Variants in ADCY7 observed in about 807,000 individuals in gnomAD.
ADCY7 encodes the protein adenylate cyclase type 7.
ADCY7 carries 72 observed loss-of-function variants against 120.6 expected under a neutral mutation model. The ratio of observed to expected loss-of-function variants is 0.60; its 90% CI spans 0.49 to 0.73. The LOEUF (loss-of-function observed/expected upper bound fraction) is 0.73, where lower values mean the gene tolerates loss of function less well. ADCY7 is among the 30% of genes least tolerant of loss of function. The pLI, the probability that ADCY7 is intolerant of heterozygous loss-of-function variation, is 0.00. For synonymous variants in ADCY7, 661 were observed against 628.0 expected, an observed-to-expected ratio of 1.05 and a Z score of -0.78; for missense variants, 1,227 against 1,486.0, an observed-to-expected ratio of 0.83 and a Z score of 2.87.
intron 1 of ADCY7, among the ~76,000 whole-genome samples, chr16:50,268,387 G>A (rs1182541934): frequency 1.3e-5 from 2 of 151,992 alleles, no homozygotes; most frequent in African/African-American, 4.8e-5. Flanking sequence ...TTATAGGTGT[G>A]AGCCACCACC....
rs1425139948 is a variant in ADCY7, at chr16:50,251,727, T to C, written c.-64+5524T>C. Among the ~76,000 whole-genome samples the C allele has an allele frequency of 2.6e-5, 4 of 152,302 alleles. No individual in the cohort carries two copies. In the East Asian group the frequency reaches 7.7e-4, roughly 29 times the overall value. ...TCACCCAGAGCTCGGGCCTCCAGTG[T>C]GCCCCAGTCCCCACCTAGCCAGCCA... On this transcript the variant is annotated intron_variant, in intron 1 of 4. Transcript: ENST00000564044.
At chr16:50,249,165 C>T (rs982577829) in intron 1 of ADCY7, among the ~76,000 whole-genome samples, 4 of 152,188 alleles carry the variant, frequency 2.6e-5, no homozygotes, top group Admixed American at 6.5e-5. Flanking sequence ...TCTGGCCTGG[C>T]GCAGCGGCTC....
chr16:50,305,597 A>AGAC lies in ADCY7; in HGVS notation c.1679+12_1679+14dup. 1 of 1,590,646 alleles carries AGAC rather than the reference A, an allele frequency of 6.3e-7. No homozygotes were observed. Among genetic ancestry groups the AGAC allele is most frequent in the Non-Finnish European group, 8.6e-7 (1 of 1,166,448 alleles). Reference sequence around the variant, plus strand: ...GCTCAGCTCCACGAGGTGAGGTCTGAGACCTCTGTCCACCCCCCTCTCCTC... The same window carrying AGAC: ...GCTCAGCTCCACGAGGTGAGGTCTGAGACGACCTCTGTCCACCCCCCTCTCCTC... On this transcript the variant is annotated intron_variant, in intron 13 of 25. Coordinates refer to ENST00000673801, the MANE Select transcript of ADCY7 (RefSeq NM_001114.5).
rs562080736 is a variant in ADCY7, at chr16:50,311,804, C to A, written c.2448+18C>A. ...CCAGACAGGTAAGGAGGCTGGCCCCCCCCCCCCCCCCAAGCTCTGCCCACT... is the reference window on the plus strand; with the variant it reads ...CCAGACAGGTAAGGAGGCTGGCCCCACCCCCCCCCCCAAGCTCTGCCCACT... On this transcript the variant is annotated intron_variant, in intron 20 of 25. Transcript: ENST00000673801. 2.4e-4 allele frequency: 300 copies of A among 1,225,878 alleles called. No homozygotes were observed. The highest frequency in any genetic ancestry group is 5.7e-4 in the South Asian group (39 of 68,748). The allele number at this position is 1,225,878 out of a possible 1,614,324, so 75.9% of individuals were successfully genotyped here.
rs2035998683 is a variant in ADCY7 at position 50,305,505 on chromosome 16, G to C, written c.1598G>C (p.Ser533Thr). 1 of 1,612,916 alleles carries C rather than the reference G, an allele frequency of 6.2e-7. No homozygotes were observed. The highest frequency in any genetic ancestry group is 8.5e-7 in the Non-Finnish European group (1 of 1,179,520). Residue 533 changes from serine to threonine, a missense_variant and splice_region_variant, in exon 13 of 26, where the codon AGC (serine) becomes ACC (threonine). Coordinates refer to ENST00000673801, the MANE Select transcript of ADCY7 (RefSeq NM_001114.5). ...CAGTTGTGGGTATCTGATTCCAGAA[G>C]CATGTCCCCCAAGGGGCGGTCGGAG... ...PQRHRRTPDR[S>T]MSPKGRSEDD...
chr16:50,304,250 C>T (rs146444045), intron 10 of ADCY7, 110 bp from the exon 11 acceptor site: 24 of 1,094,420 alleles, frequency 2.2e-5, no homozygotes, highest in African/African-American at 3.3e-5. Flanking sequence ...TATTTTTTCA[C>T]GGGCTCAGGG....
At chr16:50,267,832 C>T (rs753182468) in intron 1 of ADCY7, among the ~76,000 whole-genome samples, 1 of 152,178 alleles carries the variant, frequency 6.6e-6, no homozygotes, top group Non-Finnish European at 1.5e-5. Flanking sequence ...GAGGAAGTGC[C>T]AAGTGCCAGC....
intron 1 of ADCY7, among the ~76,000 whole-genome samples, chr16:50,252,407 G>C (rs1434757533): frequency 6.6e-6 from 1 of 152,140 alleles, no homozygotes; most frequent in Admixed American, 6.5e-5. Context: ...CAATAGGCAT[G>C]ACCCAGGGTG....
chr16:50,307,181 T>C, intron 15 of ADCY7, 34 bp downstream of exon 15: 2 of 1,591,002 alleles, frequency 1.3e-6, no homozygotes, highest in Non-Finnish European at 1.7e-6. Flanking sequence ...GGGTCCGGCC[T>C]GCTGGGATCC....
At chr16:50,274,472 T>TCC (rs970350546) in intron 1 of ADCY7, among the ~76,000 whole-genome samples, 2 of 151,802 alleles carry the variant, frequency 1.3e-5, no homozygotes, top group Non-Finnish European at 2.9e-5. Flanking sequence ...TGGGGCTGCT[T>TCC]CCCCTGCAGA....
chr16:50,282,908 G>T (rs1442831396), intron 1 of ADCY7, among the ~76,000 whole-genome samples: 2 of 152,082 alleles, frequency 1.3e-5, no homozygotes, highest in East Asian at 3.9e-4. Flanking sequence ...TTTTTATAGC[G>T]ATGGGGTCTC....
intron 10 of ADCY7, 22 bp downstream of exon 10, chr16:50,301,236 A>AGCTGGGGGGGACCCGGAGGG: frequency 6.5e-7 from 1 of 1,550,310 alleles, no homozygotes; most frequent in South Asian, 1.2e-5. Flanking sequence ...CAGAGGCCGC[A>AGCTGGGGGGGACCCGGAGGG]GCTGGGGGGG....
intron 4 of ADCY7, among the ~76,000 whole-genome samples, chr16:50,292,228 T>C (rs761160293): frequency 7.9e-5 from 12 of 152,346 alleles, no homozygotes; most frequent in Non-Finnish European, 1.6e-4. Context: ...CTGGCGGGGC[T>C]TGGGGGAGTA....
At position 50,306,570 on chromosome 16, in the gene ADCY7, G is replaced by T. The variant is rs149405560; in HGVS notation, c.1753-480G>T. Among the ~76,000 whole-genome samples the T allele has an allele frequency of 5.1e-3, 682 of 134,314 alleles. 2 individuals are homozygous for T. Among genetic ancestry groups the T allele is most frequent in the Non-Finnish European group, 7.3e-3 (456 of 62,712 alleles). The allele number at this position is 134,314 out of a possible 152,430, so 88.1% of individuals were successfully genotyped here. ...TGATCCTGCGATGGTGCCTGGGTGGGAGTGGGGGTGGGGGGCGGGATGGTC... is the reference window on the plus strand; with the variant it reads ...TGATCCTGCGATGGTGCCTGGGTGGTAGTGGGGGTGGGGGGCGGGATGGTC... On this transcript the variant is annotated intron_variant, in intron 14 of 25. Coordinates refer to ENST00000673801, the MANE Select transcript of ADCY7 (RefSeq NM_001114.5).
rs2036854680 is a variant in ADCY7 at position 50,317,432 on chromosome 16, T to TATAAC, written c.*1931_*1935dup. ...AAGTCAGGAAGGTTTCTGTTGCTAA[T>TATAAC]ATAACATAGAAACACATTAGTGCAC... On this transcript the variant is annotated 3_prime_UTR_variant, in exon 26 of 26. Transcript: ENST00000673801. The TATAAC allele has an allele frequency of 1.3e-5, 2 of 150,746 alleles. No individual in the cohort carries two copies. Among genetic ancestry groups the TATAAC allele is most frequent in the Admixed American group, 6.6e-5 (1 of 15,242 alleles). The allele number at this position is 150,746 out of a possible 1,614,324, so 9.3% of individuals were successfully genotyped here. A position where few individuals can be genotyped will look rare whatever the true frequency, so the allele number is the denominator to read the frequency against.
Position 50,310,830 on chromosome 16 carries a change from C to A in ADCY7, c.2304C>A (p.Asp768Glu). The change falls in exon 19 of 26, where the codon GAC (aspartate) becomes GAA (glutamate). Residue 768 changes from aspartate (D) to glutamate (E), a missense_variant. This residue lies in a region of ADCY7 where 267 missense variants were observed against 270.0 expected (regional missense o/e 0.99). Transcript: ENST00000673801. ...ACCTCTCCCCATGCTGGCAGTGGGA[C>A]TGCTGCGGCCAAGGCCTGGGCAACC... ...LFNLSPCWQW[D>E]CCGQGLGNLT... 1 of 1,613,602 alleles carries A rather than the reference C, an allele frequency of 6.2e-7. No homozygotes were observed. The highest frequency in any genetic ancestry group is 8.5e-7 in the Non-Finnish European group (1 of 1,179,830).
intron 1 of ADCY7, chr16:50,274,242 G>C (rs1424104306): frequency 6.6e-6 from 1 of 152,482 alleles, no homozygotes; most frequent in Non-Finnish European, 1.5e-5. Flanking sequence ...TCCTGGGTAG[G>C]TGTGGGAGGC....
At chr16:50,245,603 C>T (rs1213238782), upstream of ADCY7, among the ~76,000 whole-genome samples, 2 of 152,186 alleles carry the variant, frequency 1.3e-5, no homozygotes, top group East Asian at 1.9e-4. Flanking sequence ...CAGGGGTGGT[C>T]GCTGTCATCT....
chr16:50,311,814 C>CCCCA, intron 20 of ADCY7, 28 bp downstream of exon 20: 1 of 1,256,070 alleles, frequency 8.0e-7, no homozygotes, highest in Non-Finnish European at 1.1e-6. Flanking sequence ...CCCCCCCCCC[C>CCCCA]CAAGCTCTGC....
Sources: allele counts gnomAD v4.1 joint callset (sites outside exome capture counted in the v4.1 genomes callset), GRCh38; gene constraint gnomAD v4.1.1; regional missense constraint gnomAD v4.1.1; transcripts MANE v1.5; gene names NCBI Gene and HGNC (gene_info 2026-07-23, HGNC 2026-07-21).